GHR: variants seen among roughly 807,000 people sequenced by gnomAD.
The protein encoded by GHR is growth hormone receptor.
GHR carries 35 observed loss-of-function variants against 67.1 expected under a neutral mutation model. The ratio of observed to expected loss-of-function variants is 0.52; its 90% CI spans 0.40 to 0.69. The LOEUF is 0.69. Ranked by LOEUF, GHR falls within the 30% of genes least tolerant of loss-of-function variation. GHR has a pLI of 0.00. For missense variants in GHR, 792 were observed against 764.6 expected, an observed-to-expected ratio of 1.04 and a Z score of -0.42; for synonymous variants, 272 against 269.1, an observed-to-expected ratio of 1.01 and a Z score of -0.10.
chr5:42,641,939 G>A (rs543774043), intron 3 of GHR, among the ~76,000 whole-genome samples: 52 of 152,194 alleles, frequency 3.4e-4, no homozygotes, highest in African/African-American at 1.2e-3. Flanking sequence ...CAGGACCAAA[G>A]AGATATGCCT....
chr5:42,643,545 A>G (rs781106820), intron 3 of GHR, among the ~76,000 whole-genome samples: 3 of 152,186 alleles, frequency 2.0e-5, no homozygotes, highest in Admixed American at 6.5e-5. Flanking sequence ...CTCCCTGGAT[A>G]TGAGCACACA....
intron 2 of GHR, among the ~76,000 whole-genome samples, chr5:42,579,801 C>G (rs1031915838): frequency 2.0e-5 from 3 of 152,148 alleles, no homozygotes; most frequent in African/African-American, 7.2e-5. Context: ...TTAAAACCTG[C>G]TTTTTACCAC....
At chr5:42,640,747 ATCTTAT>A (rs1329871710) in intron 3 of GHR, among the ~76,000 whole-genome samples, 4 of 147,668 alleles carry the variant, frequency 2.7e-5, no homozygotes, top group African/African-American at 5.2e-5. Flanking sequence ...AATACCTAAC[ATCTTAT>A]TCCATATCAT....
chr5:42,523,688 A>C (rs182271716), intron 1 of GHR, among the ~76,000 whole-genome samples: 1 of 152,130 alleles, frequency 6.6e-6, no homozygotes, highest in Non-Finnish European at 1.5e-5. Context: ...AGGAGCGTTA[A>C]TAATGCTACA....
At chr5:42,588,256 A>G (rs747392463) in intron 2 of GHR, among the ~76,000 whole-genome samples, 11 of 152,224 alleles carry the variant, frequency 7.2e-5, no homozygotes, top group Non-Finnish European at 1.2e-4. Context: ...GCTGTGGTTC[A>G]TGCCTGTAAT....
At chr5:42,444,538 C>T (rs1452133355) in intron 1 of GHR, among the ~76,000 whole-genome samples, 1 of 152,102 alleles carries the variant, frequency 6.6e-6, no homozygotes, top group Non-Finnish European at 1.5e-5. Flanking sequence ...GAAATAATTG[C>T]CATTTTGACA....
rs1183964114 is a variant in GHR at position 42,575,866 on chromosome 5, T to A, written c.70+9922T>A. ...CTGGCCAACATGGTGAAACCCTATCTCTACTAAGAATACAAAAATTAGCTG... is the reference window on the plus strand; with the variant it reads ...CTGGCCAACATGGTGAAACCCTATCACTACTAAGAATACAAAAATTAGCTG... On this transcript the variant is annotated intron_variant, in intron 2 of 9. Transcript: ENST00000230882. Among the ~76,000 whole-genome samples, 7 of 151,120 alleles carry A rather than the reference T, an allele frequency of 4.6e-5. No individual in the cohort carries two copies. In the South Asian group the frequency reaches 1.3e-3, roughly 27 times the overall value.
chr5:42,600,428 G>A (rs1326931651), intron 2 of GHR, among the ~76,000 whole-genome samples: 1 of 152,198 alleles, frequency 6.6e-6, no homozygotes, highest in African/African-American at 2.4e-5. Context: ...TTTCCCATGG[G>A]ACCAGGATGG....
intron 1 of GHR, among the ~76,000 whole-genome samples, chr5:42,554,014 G>T (rs182312387): frequency 1.3e-5 from 2 of 152,110 alleles, no homozygotes; most frequent in Non-Finnish European, 2.9e-5. Flanking sequence ...ACTTTTGGGG[G>T]CAGATGAGTT....
intron 1 of GHR, among the ~76,000 whole-genome samples, chr5:42,540,115 T>G (rs939557100): frequency 2.0e-5 from 3 of 152,140 alleles, no homozygotes; most frequent in East Asian, 1.9e-4. Flanking sequence ...TATTGATAGA[T>G]CTGCCTGATA....
In GHR at chr5:42,589,897, C is replaced by T. The variant is rs186016408; in HGVS notation, c.70+23953C>T. 1.4e-3 allele frequency among the ~76,000 whole-genome samples: 206 copies of T among 152,208 alleles called. 1 individual carries two copies. The highest frequency in any genetic ancestry group is 4.9e-3 in the African/African-American group (203 of 41,518). On this transcript the variant is annotated intron_variant, in intron 2 of 9. Coordinates refer to ENST00000230882, the MANE Select transcript of GHR (RefSeq NM_000163.5). ...ATTAAGTTCAGGTAGACAGAGATGGCGGTGAGAAATTCACAGCCAAAGAGG... is the reference window on the plus strand; with the variant it reads ...ATTAAGTTCAGGTAGACAGAGATGGTGGTGAGAAATTCACAGCCAAAGAGG...
chr5:42,718,427 A>T, intron 9 of GHR, 26 bp from the exon 10 acceptor site: 1 of 1,536,696 alleles, frequency 6.5e-7, no homozygotes, highest in Non-Finnish European at 9.0e-7. Context: ...CTTTTCATAG[A>T]TCTTCATTTT....
chr5:42,660,464 G>C (rs946775860), intron 3 of GHR, among the ~76,000 whole-genome samples: 2 of 152,188 alleles, frequency 1.3e-5, no homozygotes, highest in African/African-American at 2.4e-5. Context: ...AAAATCCGCT[G>C]TTCTGCAGCC....
chr5:42,465,956 T>C, intron 1 of GHR: 1 of 674,608 alleles, frequency 1.5e-6, no homozygotes, highest in Non-Finnish European at 2.7e-6. Flanking sequence ...TATTTTCCCT[T>C]CACCGTGAAG....
At chr5:42,582,997 G>A (rs1751270278) in intron 2 of GHR, among the ~76,000 whole-genome samples, 2 of 152,122 alleles carry the variant, frequency 1.3e-5, no homozygotes, top group Non-Finnish European at 1.5e-5. Flanking sequence ...GGTCCAGGCT[G>A]GTAGCGCAAC....
chr5:42,531,490 T>A (rs1199441345), intron 1 of GHR, among the ~76,000 whole-genome samples: 1 of 147,646 alleles, frequency 6.8e-6, no homozygotes, highest in Non-Finnish European at 1.5e-5. Flanking sequence ...TTTTTTTTTT[T>A]AGAGTGGGTC....
chr5:42,423,750 T>C lies in GHR; in HGVS notation c.-217T>C. ...CGAGCTGCCAAGCAGGGCGCAGCCATGGGAAGAGGAGGAGGGCTAGGGAGC... is the reference window on the plus strand; with the variant it reads ...CGAGCTGCCAAGCAGGGCGCAGCCACGGGAAGAGGAGGAGGGCTAGGGAGC... On this transcript the variant is annotated 5_prime_UTR_variant, in exon 1 of 10. It removes an upstream start codon present in the reference 5' UTR. Coordinates refer to ENST00000230882, the MANE Select transcript of GHR (RefSeq NM_000163.5). 1 of 156,528 alleles carries C rather than the reference T, an allele frequency of 6.4e-6. No homozygotes were observed. Among genetic ancestry groups the C allele is most frequent in the Non-Finnish European group, 1.4e-5 (1 of 71,362 alleles). The allele number at this position is 156,528 out of a possible 1,614,324, so 9.7% of individuals were successfully genotyped here.
At chr5:42,524,065 A>C (rs1483930387) in intron 1 of GHR, among the ~76,000 whole-genome samples, 1 of 152,184 alleles carries the variant, frequency 6.6e-6, no homozygotes, top group East Asian at 1.9e-4. Context: ...AAACAAACTA[A>C]TACAGTAAAT....
At chr5:42,696,026 A>T (rs1757656459) in intron 5 of GHR, among the ~76,000 whole-genome samples, 1 of 152,224 alleles carries the variant, frequency 6.6e-6, no homozygotes, top group East Asian at 1.9e-4. Context: ...AGATAACCCA[A>T]TTGCTTTGCA....
Sources: gnomAD v4.1 joint callset for allele counts (sites outside exome capture counted in the v4.1 genomes callset) on GRCh38, gnomAD v4.1.1 for gene constraint, MANE v1.5 for transcripts, NCBI Gene and HGNC (gene_info 2026-07-23, HGNC 2026-07-21) for gene names.